GSDMD: variants seen among roughly 807,000 people sequenced by gnomAD.
GSDMD encodes the protein gasdermin-D.
A neutral mutation model predicts 46.7 loss-of-function variants in GSDMD; 46 were observed. The observed-to-expected ratio is 0.99, with a 90% CI of 0.78 to 1.26. The LOEUF is 1.26. GSDMD is among the 50% of genes most tolerant of loss of function. The probability of loss-of-function intolerance (pLI) is 0.00; values close to 1 mark genes in which losing one functional copy is unlikely to be tolerated. For synonymous variants in GSDMD, 307 were observed against 283.1 expected, an observed-to-expected ratio of 1.08 and a Z score of -0.85; for missense variants, 649 against 638.8, an observed-to-expected ratio of 1.02 and a Z score of -0.17.
rs1259506950 is a variant in GSDMD, at chr8:143,559,413, C to T, written c.78C>T (p.Thr26=). 2 of 1,612,960 alleles carry T rather than the reference C, an allele frequency of 1.2e-6. No individual in the cohort carries two copies. Among genetic ancestry groups the T allele is most frequent in the Non-Finnish European group, 1.7e-6 (2 of 1,179,976 alleles). ...ATGGTGGGGAGTTCATCCCTGTGAC[C>T]AGCCTGCAGAGCTCCACTGGCTTCC... The part of the protein sequence containing the change: ...LDHGGEFIPV[T]SLQSSTGFQP... The change falls in exon 2 of 11, where the codon ACC becomes ACT. Residue 26 remains threonine, a synonymous_variant. Transcript: ENST00000262580.
upstream of GSDMD, among the ~76,000 whole-genome samples, chr8:143,557,404 A>AT (rs1823329419): frequency 1.2e-4 from 12 of 98,608 alleles, no homozygotes; most frequent in Admixed American, 6.8e-4. Flanking sequence ...CTGTGACGAC[A>AT]GCTGCTGCCG....
At chr8:143,560,830 A>ACGGAGG (rs1177258880) in intron 4 of GSDMD, 59 bp downstream of exon 4, 1 of 1,458,966 alleles carries the variant, frequency 6.9e-7, no homozygotes, top group Non-Finnish European at 9.0e-7. Context: ...GCGGCGGGTG[A>ACGGAGG]CGGAGGCGGC....
intron 3 of GSDMD, 82 bp from the exon 4 acceptor site, chr8:143,560,521 C>T (rs1823427060): frequency 7.0e-7 from 1 of 1,435,378 alleles, no homozygotes; most frequent in African/African-American, 1.4e-5. Context: ...CACCACCTCC[C>T]CCGGTGGCGT....
upstream of GSDMD, chr8:143,558,284 G>C: frequency 2.0e-6 from 3 of 1,474,878 alleles, no homozygotes; most frequent in Non-Finnish European, 2.7e-6. Context: ...CAGGAAGGGG[G>C]CCGGGGCGGG....
upstream of GSDMD, among the ~76,000 whole-genome samples, chr8:143,553,938 C>A (rs925714299): frequency 6.8e-6 from 1 of 146,490 alleles, no homozygotes; most frequent in African/African-American, 2.4e-5. Context: ...GCAGCGAGGC[C>A]TTCCCGGAAA....
At position 143,562,719 on chromosome 8, in the gene GSDMD, C is replaced by T. The variant is rs201141849; in HGVS notation, c.1270C>T (p.Pro424Ser). The T allele has an allele frequency of 7.5e-5, 120 of 1,593,004 alleles. 1 individual carries two copies. The East Asian group carries it at 2.7e-3, about 36-fold the overall frequency. ...GCAGGAGCGCAGCACCATGTCCCTG[C>T]CCCCCGGGCTCCTGGGGAACAGCTG... ...PWQERSTMSL[P>S]PGLLGNSWGE... The change falls in exon 11 of 11, where the codon CCC becomes TCC. Residue 424 changes from proline to serine, a missense_variant. Pro to Ser is a moderately conservative substitution (Grantham distance 74). Transcript: ENST00000262580.
chr8:143,562,706 C>T lies in GSDMD; in HGVS notation c.1257C>T (p.Ser419=). Residue 419 remains serine (S), a synonymous_variant, in exon 11 of 11, where the codon AGC becomes AGT. Transcript: ENST00000262580. ...LEQSAPWQER[S]TMSLPPGLLG... is the part of the protein sequence containing the mutation. ...AGAGTGCCCCGTGGCAGGAGCGCAGCACCATGTCCCTGCCCCCCGGGCTCC... is the reference window on the plus strand; with the variant it reads ...AGAGTGCCCCGTGGCAGGAGCGCAGTACCATGTCCCTGCCCCCCGGGCTCC... 1 of 1,599,900 alleles carries T rather than the reference C, an allele frequency of 6.3e-7. No homozygotes were observed. The highest frequency in any genetic ancestry group is 8.5e-7 in the Non-Finnish European group (1 of 1,173,448).
chr8:143,557,103 G>T (rs780282285), upstream of GSDMD, among the ~76,000 whole-genome samples: 2 of 152,256 alleles, frequency 1.3e-5, no homozygotes, highest in African/African-American at 2.4e-5. Context: ...CGTCCGCTCC[G>T]TGTGCCTGGC....
chr8:143,561,215 T>A, intron 5 of GSDMD, 111 bp downstream of exon 5: 1 of 1,248,480 alleles, frequency 8.0e-7, no homozygotes, highest in Non-Finnish European at 1.1e-6. Context: ...CTGAACAACG[T>A]CCTGTGTCTG....
Position 143,558,423 on chromosome 8 carries a change from G to T in GSDMD, c.-33G>T. The T allele has an allele frequency of 3.3e-6, 5 of 1,506,422 alleles. No individual in the cohort carries two copies. In the East Asian group the frequency reaches 1.4e-4, roughly 41 times the overall value. The allele number at this position is 1,506,422 out of a possible 1,614,324, so 93.3% of individuals were successfully genotyped here. A position where few individuals can be genotyped will look rare whatever the true frequency, so the allele number is the denominator to read the frequency against. On this transcript the variant is annotated 5_prime_UTR_variant, in exon 1 of 11. Coordinates refer to ENST00000262580, the MANE Select transcript of GSDMD (RefSeq NM_024736.7). ...CCCAGGGAGAGCAGACGCGCCAGAC[G>T]CGCCACCCTCGGGGCGCCGACGGTC...
chr8:143,559,306 A>G (rs1823390403), intron 1 of GSDMD, 26 bp from the exon 2 acceptor site: 1 of 1,248,318 alleles, frequency 8.0e-7, no homozygotes, highest in South Asian at 1.2e-5. Context: ...CGAGAGCACA[A>G]TGCCTGACCC....
chr8:143,555,931 C>G (rs1480670682), upstream of GSDMD: 1 of 152,158 alleles, frequency 6.6e-6, no homozygotes, highest in South Asian at 2.1e-4. Flanking sequence ...TAAAAACTTA[C>G]AGCCAGGTGC....
rs374790200 is a variant in GSDMD at position 143,562,759 on chromosome 8, C to A, written c.1310C>A (p.Pro437Gln). 134 of 1,587,102 alleles carry A rather than the reference C, an allele frequency of 8.4e-5. No homozygotes were observed. The highest frequency in any genetic ancestry group is 1.1e-4 in the Non-Finnish European group (132 of 1,167,072). ...GGGAACAGCTGGGGCGAAGGAGCAC[C>A]GGCCTGGGTCTTGCTGGACGAGTGT... ...LLGNSWGEGA[P>Q]AWVLLDECGL... is the part of the protein sequence containing the mutation. The change falls in exon 11 of 11, where the codon CCG becomes CAG. Residue 437 changes from proline to glutamine, a missense_variant. Pro to Gln is a moderately conservative substitution (Grantham distance 76). Transcript: ENST00000262580.
At chr8:143,561,870 C>T in intron 7 of GSDMD, 42 bp downstream of exon 7, 11 of 1,609,686 alleles carry the variant, frequency 6.8e-6, no homozygotes, top group Non-Finnish European at 8.5e-6. Context: ...TTGGTGGGCT[C>T]TCCTGCCCCC....
At position 143,558,471 on chromosome 8, in the gene GSDMD, C is replaced by T. The variant is rs781777596; in HGVS notation, c.-5+20C>T. On this transcript the variant is annotated intron_variant, in intron 1 of 10. Transcript: ENST00000262580. ...GTCACGGTGAGCTGCGCCCCGCCCC[C>T]TCCCCCGGCCTGGCTGGAGCTCCCG... 6.8e-7 allele frequency: 1 copy of T among 1,463,678 alleles called. No homozygotes were observed. The highest frequency in any genetic ancestry group is 9.0e-7 in the Non-Finnish European group (1 of 1,113,654). The allele number at this position is 1,463,678 out of a possible 1,614,324, so 90.7% of individuals were successfully genotyped here.
At chr8:143,555,586 T>G (rs2130556532), upstream of GSDMD, among the ~76,000 whole-genome samples, 1 of 152,254 alleles carries the variant, frequency 6.6e-6, no homozygotes, top group East Asian at 1.9e-4. Context: ...ATCTTCACCA[T>G]GGAGGCTGCA....
chr8:143,560,768 G>C lies in GSDMD; in HGVS notation c.576G>C (p.Leu192Phe). Residue 192 changes from leucine to phenylalanine, a missense_variant, in exon 4 of 11, where the codon TTG becomes TTC. Physicochemically the swap from Leu to Phe is conservative, Grantham distance 22 (BLOSUM62 0). Coordinates refer to ENST00000262580, the MANE Select transcript of GSDMD (RefSeq NM_024736.7). ...GRFSLPGATCLQGEGQGHLSQ... is the reference protein window; with the variant it reads ...GRFSLPGATCFQGEGQGHLSQ... ...TTTCCCTGCCCGGAGCCACGTGCTT[G>C]CAGGTGTGTAGCCAGCCCCGGGCCA... 1 of 1,542,802 alleles carries C rather than the reference G, an allele frequency of 6.5e-7. No homozygotes were observed. Among genetic ancestry groups the C allele is most frequent in the Non-Finnish European group, 8.7e-7 (1 of 1,143,156 alleles).
At position 143,559,511 on chromosome 8, in the gene GSDMD, T is replaced by C. The variant is rs1403055983; in HGVS notation, c.176T>C (p.Leu59Pro). 1.2e-5 allele frequency: 20 copies of C among 1,612,774 alleles called. No homozygotes were observed. The highest frequency in any genetic ancestry group is 1.7e-5 in the Non-Finnish European group (20 of 1,180,006). ...AAACCCCGTTATAAGTGTGTCAACCTGTCTATCAAGGACATCCTGGAGCCG... is the reference window on the plus strand; with the variant it reads ...AAACCCCGTTATAAGTGTGTCAACCCGTCTATCAAGGACATCCTGGAGCCG... ...FWKPRYKCVN[L>P]SIKDILEPDA... Residue 59 changes from leucine (L) to proline (P), a missense_variant, in exon 2 of 11, where the codon CTG becomes CCG. Leu to Pro is a moderately conservative substitution (Grantham distance 98). Coordinates refer to ENST00000262580, the MANE Select transcript of GSDMD (RefSeq NM_024736.7).
intron 1 of GSDMD, chr8:143,559,032 G>C: frequency 2.1e-6 from 1 of 474,852 alleles, no homozygotes; most frequent in Non-Finnish European, 3.8e-6. Context: ...CCCAGCCAGA[G>C]GCAGCCATTC....
Sources: gnomAD v4.1 joint callset for allele counts (sites outside exome capture counted in the v4.1 genomes callset) on GRCh38, gnomAD v4.1.1 for gene constraint, MANE v1.5 for transcripts, NCBI Gene and HGNC (gene_info 2026-07-23, HGNC 2026-07-21) for gene names.